PARD3: variants seen among roughly 807,000 people sequenced by gnomAD.
PARD3 encodes the protein par-3 family cell polarity regulator.
A neutral mutation model predicts 155.4 loss-of-function variants in PARD3; 75 were observed. The ratio of observed to expected loss-of-function variants is 0.48; its 90% CI spans 0.40 to 0.58. The LOEUF is 0.58. Among genes scored for constraint, PARD3 ranks in the 20% least tolerant of loss-of-function variants. The pLI is 0.00. For missense variants in PARD3, 1,642 were observed against 1,721.7 expected (o/e 0.95, Z 0.82); for synonymous variants, 576 against 610.5 (o/e 0.94, Z 0.83).
At chr10:34,333,768 T>C (rs912836898) in intron 18 of PARD3, among the ~76,000 whole-genome samples, 1 of 152,054 alleles carries the variant, frequency 6.6e-6, no homozygotes, top group Non-Finnish European at 1.5e-5. Flanking sequence ...CTAAAATATT[T>C]ACCATCTGTT....
At chr10:34,485,418 C>T (rs1395499554) in intron 3 of PARD3, among the ~76,000 whole-genome samples, 1 of 152,006 alleles carries the variant, frequency 6.6e-6, no homozygotes, top group Non-Finnish European at 1.5e-5. Context: ...GAACAATTGC[C>T]CAAGGTGATT....
chr10:34,771,597 T>G (rs1838871601), intron 1 of PARD3, among the ~76,000 whole-genome samples: 1 of 152,236 alleles, frequency 6.6e-6, no homozygotes, highest in African/African-American at 2.4e-5. Flanking sequence ...CGACCTAGTC[T>G]TACAAAATTA....
At chr10:34,652,956 C>T (rs959563086) in intron 2 of PARD3, among the ~76,000 whole-genome samples, 2 of 151,986 alleles carry the variant, frequency 1.3e-5, no homozygotes, top group East Asian at 1.9e-4. Context: ...GACATTTAAA[C>T]GGAAGTGCTC....
At chr10:34,239,437 G>A (rs913142289) in intron 22 of PARD3, among the ~76,000 whole-genome samples, 2 of 152,178 alleles carry the variant, frequency 1.3e-5, no homozygotes, top group African/African-American at 4.8e-5. Context: ...AGAGAAGTGG[G>A]CTGAAGTCTA....
At position 34,300,750 on chromosome 10, in the gene PARD3, G is replaced by T. The variant is rs148447860; in HGVS notation, c.3065+16357C>A. ...AAGCATGAGAGAAGACTGGAACTAG[G>T]CAGCTAATTTAGAGTAGCTAATGCC... On this transcript the variant is annotated intron_variant, in intron 20 of 24. Transcript: ENST00000374788. Among the ~76,000 whole-genome samples, 454 of 152,232 alleles carry T rather than the reference G, an allele frequency of 3.0e-3. 2 individuals are homozygous for T. Among genetic ancestry groups the T allele is most frequent in the African/African-American group, 0.011 (441 of 41,516 alleles).
chr10:34,775,614 T>G (rs1839428943), intron 1 of PARD3, among the ~76,000 whole-genome samples: 1 of 152,072 alleles, frequency 6.6e-6, no homozygotes, highest in African/African-American at 2.4e-5. Flanking sequence ...CCAAACAATC[T>G]ACTACAAGAG....
intron 1 of PARD3, among the ~76,000 whole-genome samples, chr10:34,777,756 T>C (rs184953078): frequency 9.5e-4 from 144 of 151,954 alleles, no homozygotes; most frequent in African/African-American, 3.1e-3. Context: ...GGTCTTGAAC[T>C]CCTGGGCTCA....
At chr10:34,350,642 A>AGGGGGGGGGGGGGGGG (rs1163770036) in intron 14 of PARD3, among the ~76,000 whole-genome samples, 1 of 47,624 alleles carries the variant, frequency 2.1e-5, no homozygotes, top group Non-Finnish European at 4.2e-5. Context: ...GCGGGGGGGG[A>AGGGGGGGGGGGGGGGG]GGGGGGGTGG....
At chr10:34,228,457 C>G (rs1005575771) in intron 22 of PARD3, among the ~76,000 whole-genome samples, 1 of 152,044 alleles carries the variant, frequency 6.6e-6, no homozygotes, top group African/African-American at 2.4e-5. Flanking sequence ...TACATATTAA[C>G]GGTTCCATTT....
intron 1 of PARD3, among the ~76,000 whole-genome samples, chr10:34,697,418 A>G (rs1385753915): frequency 1.3e-5 from 2 of 152,212 alleles, no homozygotes; most frequent in Admixed American, 1.3e-4. Context: ...ATGATTAATG[A>G]AGAGTTAAAA....
chr10:34,318,463 C>T (rs575732190), intron 19 of PARD3, among the ~76,000 whole-genome samples: 2 of 152,306 alleles, frequency 1.3e-5, no homozygotes, highest in East Asian at 1.9e-4. Context: ...CAGAATGGTT[C>T]GGCCTCTTCC....
chr10:34,622,703 A>G (rs2132723576), intron 2 of PARD3, among the ~76,000 whole-genome samples: 1 of 152,350 alleles, frequency 6.6e-6, no homozygotes, highest in East Asian at 1.9e-4. Context: ...CACAAAAACA[A>G]GAAGCTTTTG....
Position 34,204,287 on chromosome 10 carries a change from T to C in PARD3, c.3419+65370A>G, listed in dbSNP as rs564008930. 1.4e-4 allele frequency among the ~76,000 whole-genome samples: 21 copies of C among 152,274 alleles called. No homozygotes were observed. The South Asian group carries it at 4.3e-3, about 32-fold the overall frequency. ...AGCAAGCGAATGACACATGGGGTTT[T>C]ATTAGTGGCTTACATAAAGGAAAGA... is the stretch of plus-strand genomic sequence containing the variant. On this transcript the variant is annotated intron_variant, in intron 22 of 24. Coordinates refer to ENST00000374788, the MANE Select transcript of PARD3 (RefSeq NM_001184785.2).
At chr10:34,515,611 C>T (rs2081675707) in intron 3 of PARD3, among the ~76,000 whole-genome samples, 1 of 152,206 alleles carries the variant, frequency 6.6e-6, no homozygotes, top group Admixed American at 6.5e-5. Flanking sequence ...GCTAACAGAT[C>T]TCTAACTGTT....
Position 34,155,124 on chromosome 10 carries a change from G to T in PARD3, c.3420-23541C>A, listed in dbSNP as rs540307669. 8.5e-5 allele frequency among the ~76,000 whole-genome samples: 13 copies of T among 152,236 alleles called. No individual in the cohort carries two copies. The East Asian group carries it at 2.3e-3, about 27-fold the overall frequency. On this transcript the variant is annotated intron_variant, in intron 22 of 24. Transcript: ENST00000374788. ...GCATTTCCATAGGTTCCCTAAATTTGGGCTGGGTTTGGAGTGAGGAATTGA... is the reference window on the plus strand; with the variant it reads ...GCATTTCCATAGGTTCCCTAAATTTTGGCTGGGTTTGGAGTGAGGAATTGA...
At chr10:34,506,999 G>A (rs753000939) in intron 3 of PARD3, among the ~76,000 whole-genome samples, 3 of 152,028 alleles carry the variant, frequency 2.0e-5, no homozygotes, top group Admixed American at 1.3e-4. Flanking sequence ...TTTCACCTGC[G>A]CCTCCAGTTT....
chr10:34,778,628 T>C (rs1839882742), intron 1 of PARD3, among the ~76,000 whole-genome samples: 1 of 122,788 alleles, frequency 8.1e-6, no homozygotes, highest in Non-Finnish European at 1.8e-5. Flanking sequence ...GAGGAAAATT[T>C]CTACACTGTT....
intron 2 of PARD3, among the ~76,000 whole-genome samples, chr10:34,621,762 T>G (rs1365139729): frequency 1.3e-5 from 2 of 152,252 alleles, no homozygotes; most frequent in African/African-American, 4.8e-5. Context: ...TGCAATTACA[T>G]CATGTGCAGA....
intron 2 of PARD3, among the ~76,000 whole-genome samples, chr10:34,695,523 C>T (rs970207014): frequency 9.9e-5 from 15 of 151,726 alleles, no homozygotes; most frequent in Non-Finnish European, 1.5e-4. Context: ...CATCCAGAGC[C>T]GAACATCCTG....
Sources: gnomAD v4.1 joint callset for allele counts (sites outside exome capture counted in the v4.1 genomes callset) on GRCh38, gnomAD v4.1.1 for gene constraint, MANE v1.5 for transcripts, NCBI Gene and HGNC (gene_info 2026-07-23, HGNC 2026-07-21) for gene names.